DPP6: variants seen among roughly 807,000 people sequenced by gnomAD.
The protein encoded by DPP6 is dipeptidyl peptidase like 6.
In DPP6, 69 loss-of-function variants were observed where a neutral mutation model predicts 122.6. The ratio of observed to expected loss-of-function variants is 0.56; its 90% CI spans 0.46 to 0.69. DPP6 has a LOEUF of 0.69. Ranked by LOEUF, DPP6 falls within the 30% of genes least tolerant of loss-of-function variation. The pLI, the probability that DPP6 is intolerant of heterozygous loss-of-function variation, is 0.00. For missense variants in DPP6, 928 were observed against 1,116.9 expected (o/e 0.83, Z 2.41); for synonymous variants, 418 against 433.1 (o/e 0.97, Z 0.43).
At chr7:154,692,969 G>T (rs911706529) in intron 7 of DPP6, among the ~76,000 whole-genome samples, 1 of 151,044 alleles carries the variant, frequency 6.6e-6, no homozygotes, top group African/African-American at 2.4e-5. Flanking sequence ...TTTTTAAATT[G>T]TCTGTAGAGA....
At chr7:154,603,303 T>A (rs1371657126) in intron 5 of DPP6, among the ~76,000 whole-genome samples, 1 of 119,878 alleles carries the variant, frequency 8.3e-6, no homozygotes, top group East Asian at 3.6e-4. Context: ...TCTTCATGTG[T>A]TTCTTCTGTC....
chr7:154,449,238 C>A (rs989976546), intron 2 of DPP6, among the ~76,000 whole-genome samples: 2 of 151,618 alleles, frequency 1.3e-5, no homozygotes, highest in Non-Finnish European at 2.9e-5. Flanking sequence ...AACAAAAAAA[C>A]AAATAATTCA....
At chr7:154,697,526 C>G (rs1840288437) in intron 7 of DPP6, among the ~76,000 whole-genome samples, 1 of 152,240 alleles carries the variant, frequency 6.6e-6, no homozygotes, top group South Asian at 2.1e-4. Flanking sequence ...TGCCATCCCA[C>G]AGACATCCTC....
chr7:154,728,146 A>T (rs1171448783), intron 8 of DPP6, among the ~76,000 whole-genome samples: 2 of 152,234 alleles, frequency 1.3e-5, no homozygotes, highest in Non-Finnish European at 2.9e-5. Context: ...TGGGCTTTGC[A>T]GAGCTCTGCA....
chr7:153,820,366 A>G, the DPP6 span, among the ~76,000 whole-genome samples: 1 of 152,214 alleles, frequency 6.6e-6, no homozygotes, highest in Non-Finnish European at 1.5e-5. Context: ...CTTTTAAGAA[A>G]ATAGTAGTTT....
At chr7:154,205,609 G>C (rs761444289) in intron 1 of DPP6, among the ~76,000 whole-genome samples, 2 of 152,060 alleles carry the variant, frequency 1.3e-5, no homozygotes, top group South Asian at 4.2e-4. Context: ...GGACCTGAAG[G>C]CTGAGAGACC....
intron 1 of DPP6, among the ~76,000 whole-genome samples, chr7:154,040,411 G>A (rs1164444134): frequency 2.7e-5 from 4 of 150,640 alleles, no homozygotes; most frequent in South Asian, 2.1e-4. Flanking sequence ...AAGGCAGCAC[G>A]CTTCATGAGG....
intron 4 of DPP6, among the ~76,000 whole-genome samples, chr7:154,552,853 A>C (rs949882173): frequency 6.6e-6 from 1 of 152,234 alleles, no homozygotes; most frequent in African/African-American, 2.4e-5. Flanking sequence ...ATACAGGCTG[A>C]AATGTCTGTA....
At chr7:154,420,832 A>C (rs564973884) in intron 1 of DPP6, among the ~76,000 whole-genome samples, 35 of 152,302 alleles carry the variant, frequency 2.3e-4, no homozygotes, top group African/African-American at 8.2e-4. Context: ...ACTATTTGTC[A>C]ATTTTTTTTC....
intron 7 of DPP6, among the ~76,000 whole-genome samples, chr7:154,711,965 C>CACACACACACAG (rs2131306699): frequency 1.2e-5 from 1 of 83,838 alleles, no homozygotes; most frequent in East Asian, 3.3e-4. Flanking sequence ...CACACACACA[C>CACACACACACAG]TCTTCTTCTC....
intron 10 of DPP6, among the ~76,000 whole-genome samples, chr7:154,781,446 C>G (rs1436192988): frequency 6.6e-6 from 1 of 152,190 alleles, no homozygotes; most frequent in Non-Finnish European, 1.5e-5. Flanking sequence ...ATGGAAGGGA[C>G]AGGCAGCATG....
At chr7:154,783,927 G>T (rs79844580) in intron 10 of DPP6, among the ~76,000 whole-genome samples, 5,445 of 152,226 alleles carry the variant, frequency 0.036, 128 homozygotes, top group Non-Finnish European at 0.052. Flanking sequence ...CTTTCTTGGA[G>T]GCTATCTCTT....
chr7:154,564,646 A>C (rs1435397917), intron 4 of DPP6, among the ~76,000 whole-genome samples: 1 of 152,248 alleles, frequency 6.6e-6, no homozygotes, highest in Non-Finnish European at 1.5e-5. Flanking sequence ...TGGGATCTTC[A>C]TTACAACATT....
intron 10 of DPP6, among the ~76,000 whole-genome samples, chr7:154,789,455 C>G (rs1369038237): frequency 6.6e-6 from 1 of 152,234 alleles, no homozygotes; most frequent in Non-Finnish European, 1.5e-5. Context: ...GCCCTGTTCC[C>G]TACAGGGAAG....
chr7:154,549,242 C>G (rs1373158201), intron 4 of DPP6, among the ~76,000 whole-genome samples: 1 of 152,178 alleles, frequency 6.6e-6, no homozygotes, highest in East Asian at 1.9e-4. Context: ...CTGTTACAAG[C>G]CAGAAGGCTT....
intron 1 of DPP6, among the ~76,000 whole-genome samples, chr7:154,036,549 T>G (rs1799546993): frequency 1.3e-5 from 2 of 151,532 alleles, no homozygotes; most frequent in Admixed American, 6.6e-5. Flanking sequence ...GGTCTAATCA[T>G]TCCTGGGCAA....
chr7:153,753,737 A>G, the DPP6 span, among the ~76,000 whole-genome samples: 3 of 152,194 alleles, frequency 2.0e-5, no homozygotes, highest in African/African-American at 7.2e-5. Flanking sequence ...GTGGATTTCA[A>G]TCTGAACTCA....
At chr7:154,636,220 C>T (rs1835717720) in intron 5 of DPP6, among the ~76,000 whole-genome samples, 1 of 152,140 alleles carries the variant, frequency 6.6e-6, no homozygotes, top group African/African-American at 2.4e-5. Flanking sequence ...ATACCATAAC[C>T]ATGGAAACCT....
chr7:153,883,854 A>G (rs1798821333), upstream of DPP6, among the ~76,000 whole-genome samples: 1 of 152,182 alleles, frequency 6.6e-6, no homozygotes, highest in African/African-American at 2.4e-5. Context: ...TTTCAGCCCT[A>G]TCCTTTCTGC....
Sources: allele counts gnomAD v4.1 joint callset (sites outside exome capture counted in the v4.1 genomes callset), GRCh38; gene constraint gnomAD v4.1.1; transcripts MANE v1.5; gene names NCBI Gene and HGNC (gene_info 2026-07-23, HGNC 2026-07-21).